The following FOXO3 variants were observed in gnomAD, a reference collection of about 807,000 sequenced individuals.
FOXO3 encodes forkhead box O3.
FOXO3 carries 4 observed loss-of-function variants against 41.9 expected under a neutral mutation model. The observed-to-expected ratio is 0.10, with a 90% CI of 0.05 to 0.22. The LOEUF (loss-of-function observed/expected upper bound fraction) is 0.22, where lower values mean the gene tolerates loss of function less well. FOXO3 is among the 10% of genes least tolerant of loss of function. The pLI is 1.00. For missense variants in FOXO3, 534 were observed against 906.8 expected (o/e 0.59, Z 5.28); for synonymous variants, 318 against 389.3 (o/e 0.82, Z 2.16).
chr6:108,599,659 C>G (rs1776988021), intron 1 of FOXO3, among the ~76,000 whole-genome samples: 1 of 152,158 alleles, frequency 6.6e-6, no homozygotes, highest in South Asian at 2.1e-4. Flanking sequence ...CTCCCATTCT[C>G]CTTTAAGAAA....
intron 2 of FOXO3, among the ~76,000 whole-genome samples, chr6:108,674,562 T>G (rs1017917314): frequency 6.6e-6 from 1 of 152,166 alleles, no homozygotes; most frequent in Admixed American, 6.5e-5. Context: ...ACATTATGAT[T>G]AGATACTAGG....
intron 2 of FOXO3, among the ~76,000 whole-genome samples, chr6:108,678,917 G>T (rs1346034402): frequency 7.6e-6 from 1 of 131,428 alleles, no homozygotes; most frequent in African/African-American, 2.7e-5. Context: ...TGTCGCTCAG[G>T]CTGGAGTGCA....
intron 1 of FOXO3, among the ~76,000 whole-genome samples, chr6:108,650,294 C>T (rs922465535): frequency 5.9e-5 from 9 of 152,250 alleles, no homozygotes; most frequent in Middle Eastern, 3.4e-3. Context: ...AACTCTCCAC[C>T]GTATTCTGAC....
intron 1 of FOXO3, among the ~76,000 whole-genome samples, chr6:108,588,969 A>G (rs1269179034): frequency 6.6e-6 from 1 of 152,226 alleles, no homozygotes; most frequent in Non-Finnish European, 1.5e-5. Context: ...AGTATTTATT[A>G]GGTAAGCATG....
chr6:108,639,708 C>T (rs1778204085), intron 1 of FOXO3: 1 of 269,004 alleles, frequency 3.7e-6, no homozygotes, highest in Middle Eastern at 1.9e-3. Flanking sequence ...CCTTCCTTTT[C>T]TATTTAATTT....
chr6:108,651,434 C>T (rs1171767668), intron 1 of FOXO3, among the ~76,000 whole-genome samples: 4 of 152,162 alleles, frequency 2.6e-5, no homozygotes, highest in East Asian at 1.9e-4. Flanking sequence ...TGGGCCTGTG[C>T]GTAGCTGTGT....
In FOXO3 at chr6:108,663,887, G is replaced by A. The variant is rs368771621; in HGVS notation, c.1054G>A (p.Ala352Thr). The A allele has an allele frequency of 5.0e-6, 8 of 1,614,188 alleles. No homozygotes were observed. Among genetic ancestry groups the A allele is most frequent in the Non-Finnish European group, 6.8e-6 (8 of 1,180,006 alleles). The change falls in exon 2 of 3, where the codon GCC becomes ACC. Residue 352 changes from alanine (A) to threonine (T), a missense_variant. By Grantham distance (58) the Ala-to-Thr change is moderately conservative (BLOSUM62 0). Coordinates refer to ENST00000406360, the MANE Select transcript of FOXO3 (RefSeq NM_001455.4). ...CTCGCCCATGCTCTACAGCAGCTCA[G>A]CCAGCCTGTCACCTTCAGTAAGCAA... is the stretch of plus-strand genomic sequence containing the variant. Reference protein sequence around the residue: ...PLSPMLYSSSASLSPSVSKPC... With the variant: ...PLSPMLYSSSTSLSPSVSKPC...
intron 1 of FOXO3, among the ~76,000 whole-genome samples, chr6:108,577,529 C>T (rs1349360258): frequency 2.0e-5 from 3 of 152,206 alleles, no homozygotes; most frequent in African/African-American, 7.2e-5. Flanking sequence ...GTTTTCAACC[C>T]TGGCTGCATT....
intron 1 of FOXO3, among the ~76,000 whole-genome samples, chr6:108,620,237 C>A (rs1251707003): frequency 6.6e-6 from 1 of 152,046 alleles, no homozygotes; most frequent in African/African-American, 2.4e-5. Flanking sequence ...TTGACTAATT[C>A]CTGTCTTTGA....
At chr6:108,678,703 G>C (rs1770717053) in intron 2 of FOXO3, among the ~76,000 whole-genome samples, 1 of 151,588 alleles carries the variant, frequency 6.6e-6, no homozygotes, top group Non-Finnish European at 1.5e-5. Context: ...TATGTGTTAT[G>C]TAATTTTTTT....
At chr6:108,580,113 T>C (rs1776366524) in intron 1 of FOXO3, among the ~76,000 whole-genome samples, 1 of 151,922 alleles carries the variant, frequency 6.6e-6, no homozygotes, top group Admixed American at 6.6e-5. Context: ...AACTAAAAGC[T>C]ACGGTTAATT....
At chr6:108,672,450 C>T (rs1779241453) in intron 2 of FOXO3, among the ~76,000 whole-genome samples, 1 of 152,212 alleles carries the variant, frequency 6.6e-6, no homozygotes, top group Admixed American at 6.5e-5. Context: ...AAATACATCG[C>T]CCTGTAGAGC....
intron 1 of FOXO3, among the ~76,000 whole-genome samples, chr6:108,609,932 C>G (rs1464555063): frequency 6.6e-6 from 1 of 152,120 alleles, no homozygotes; most frequent in Non-Finnish European, 1.5e-5. Context: ...TTTAAATGTA[C>G]ACATACATGC....
chr6:108,563,171 T>G (rs1349467184), intron 1 of FOXO3, among the ~76,000 whole-genome samples: 1 of 152,200 alleles, frequency 6.6e-6, no homozygotes, highest in Non-Finnish European at 1.5e-5. Flanking sequence ...ATGAAAAAGT[T>G]AAAGAACTTA....
chr6:108,569,848 C>G (rs1446166838), intron 1 of FOXO3, among the ~76,000 whole-genome samples: 1 of 152,122 alleles, frequency 6.6e-6, no homozygotes, highest in Non-Finnish European at 1.5e-5. Context: ...GCATACATTA[C>G]CTTCCTTCTG....
chr6:108,621,022 G>A (rs1777649802), intron 1 of FOXO3, among the ~76,000 whole-genome samples: 1 of 152,102 alleles, frequency 6.6e-6, no homozygotes, highest in Non-Finnish European at 1.5e-5. Flanking sequence ...AGGATTTTGA[G>A]GATAATTAGT....
intron 1 of FOXO3, among the ~76,000 whole-genome samples, chr6:108,585,022 CTTTTTTTTTTTTTTTTTT>C (rs1159028928): frequency 3.9e-5 from 2 of 51,520 alleles, no homozygotes; most frequent in South Asian, 1.0e-3. Context: ...TCTCCAAAAT[CTTTTTTTTTTTTTTTTTT>C]TTTTTTTTTT....
intron 1 of FOXO3, among the ~76,000 whole-genome samples, chr6:108,635,076 A>G (rs1253226041): frequency 2.2e-4 from 34 of 152,040 alleles, no homozygotes; most frequent in Admixed American, 2.2e-3. Context: ...AGGCAGGCAG[A>G]TAACACTTGA....
At chr6:108,649,595 G>C in intron 1 of FOXO3, among the ~76,000 whole-genome samples, 1 of 144,148 alleles carries the variant, frequency 6.9e-6, no homozygotes, top group South Asian at 2.2e-4. Flanking sequence ...CATGATCTTG[G>C]CTCATGGCAA....
Sources: allele counts gnomAD v4.1 joint callset (sites outside exome capture counted in the v4.1 genomes callset), GRCh38; gene constraint gnomAD v4.1.1; transcripts MANE v1.5; gene names NCBI Gene and HGNC (gene_info 2026-07-23, HGNC 2026-07-21).